Variants in CMIP observed in about 807,000 individuals in gnomAD.
The protein encoded by CMIP is c-Maf inducing protein, also known as C-Maf-inducing protein.
Under a neutral mutation model 97.3 loss-of-function variants are expected in CMIP, and 13 were observed. The observed-to-expected ratio is 0.13, with a 90% confidence interval of 0.09 to 0.21. The LOEUF is 0.21. Among genes scored for constraint, CMIP ranks in the 10% least tolerant of loss-of-function variants. CMIP has a pLI of 1.00. For synonymous variants in CMIP, 538 were observed against 436.3 expected, an observed-to-expected ratio of 1.23 and a Z score of -2.91; for missense variants, 847 against 1,024.9, an observed-to-expected ratio of 0.83 and a Z score of 2.37.
intron 8 of CMIP, among the ~76,000 whole-genome samples, chr16:81,670,754 C>T (rs551572957): frequency 1.3e-5 from 2 of 152,088 alleles, no homozygotes; most frequent in South Asian, 4.2e-4. Context: ...GAGTAGGAGA[C>T]ACAACACATG....
rs894561318 is a variant in CMIP at position 81,645,351 on chromosome 16, C to G, written c.478-6852C>G. 7.8e-6 allele frequency: 11 copies of G among 1,415,960 alleles called. No individual in the cohort carries two copies. In the African/African-American group the frequency reaches 1.4e-4, roughly 18 times the overall value. 87.7% of individuals were successfully genotyped at this position (1,415,960 alleles called of 1,614,324 possible). ...CGACAGGTGGTGGGGAGCATGCGTGCTTGGGTGTGTACGCGCGCGAGCCCC... is the reference window on the plus strand; with the variant it reads ...CGACAGGTGGTGGGGAGCATGCGTGGTTGGGTGTGTACGCGCGCGAGCCCC... On this transcript the variant is annotated intron_variant, in intron 3 of 20. Transcript: ENST00000537098.
At chr16:81,658,788 C>A (rs754534959) in intron 5 of CMIP, among the ~76,000 whole-genome samples, 1 of 152,246 alleles carries the variant, frequency 6.6e-6, no homozygotes, top group Non-Finnish European at 1.5e-5. Flanking sequence ...GACCTTGGAA[C>A]TAACCTGCCT....
At chr16:81,703,520 G>C (rs2151100532) in intron 17 of CMIP, among the ~76,000 whole-genome samples, 1 of 151,734 alleles carries the variant, frequency 6.6e-6, no homozygotes, top group Non-Finnish European at 1.5e-5. Context: ...AATATACACA[G>C]ACGTGCACAG....
chr16:81,621,583 A>T lies in CMIP; in HGVS notation c.477+657A>T, dbSNP rs889048838. 9.8e-5 allele frequency: 15 copies of T among 152,764 alleles called. No homozygotes were observed. The highest frequency in any genetic ancestry group is 1.5e-5 in the Non-Finnish European group (1 of 68,134). The allele number at this position is 152,764 out of a possible 1,614,324, so 9.5% of individuals were successfully genotyped here. On this transcript the variant is annotated intron_variant, in intron 3 of 20. Transcript: ENST00000537098. The surrounding 1 kb of genome is among the most constrained non-coding windows in gnomAD (Gnocchi z 4.1). ...GTGAAGCACGTACAGTCAGCTTCTC[A>T]TTCCTGCCCTGCCTCCCTGTCTCTC...
At chr16:81,494,937 T>C (rs1262597857) in intron 1 of CMIP, among the ~76,000 whole-genome samples, 1 of 152,196 alleles carries the variant, frequency 6.6e-6, no homozygotes, top group African/African-American at 2.4e-5. Flanking sequence ...ACTTTACAGA[T>C]GAAGTCATTG....
At chr16:81,591,356 A>C (rs960180973) in intron 1 of CMIP, among the ~76,000 whole-genome samples, 5 of 152,206 alleles carry the variant, frequency 3.3e-5, no homozygotes, top group African/African-American at 1.2e-4. Context: ...TATTTTAAGG[A>C]ACTCACAACA....
intron 3 of CMIP, among the ~76,000 whole-genome samples, chr16:81,633,978 C>T (rs1479044134): frequency 6.6e-6 from 1 of 152,200 alleles, no homozygotes; most frequent in African/African-American, 2.4e-5. Flanking sequence ...CCTTATCATC[C>T]CAGGCCTCCT....
intron 1 of CMIP, among the ~76,000 whole-genome samples, chr16:81,575,293 C>T (rs1288416783): frequency 1.3e-5 from 2 of 152,182 alleles, no homozygotes; most frequent in East Asian, 3.9e-4. Flanking sequence ...CTCCTCTGGG[C>T]TTTACCAGGC....
chr16:81,675,324 C>T (rs1339963571), intron 9 of CMIP, among the ~76,000 whole-genome samples: 2 of 152,072 alleles, frequency 1.3e-5, no homozygotes, highest in Non-Finnish European at 2.9e-5. Flanking sequence ...ATGCCTCAGC[C>T]ACCCAAGTAG....
chr16:81,587,028 C>G (rs2091393955), intron 1 of CMIP, among the ~76,000 whole-genome samples: 1 of 152,210 alleles, frequency 6.6e-6, no homozygotes, highest in African/African-American at 2.4e-5. Context: ...AAAGAACAGG[C>G]TACATGAGAT....
chr16:81,570,221 T>C (rs2091061733), intron 1 of CMIP, among the ~76,000 whole-genome samples: 1 of 152,178 alleles, frequency 6.6e-6, no homozygotes, highest in African/African-American at 2.4e-5. Context: ...TCCCTTGGTG[T>C]AGCCACAGAG....
chr16:81,684,828 TC>T (rs1333984473), intron 10 of CMIP, among the ~76,000 whole-genome samples: 9 of 152,254 alleles, frequency 5.9e-5, no homozygotes, highest in Admixed American at 2.0e-4. Flanking sequence ...CTTTTCTCCT[TC>T]CTAGGTGGGC....
intron 1 of CMIP, among the ~76,000 whole-genome samples, chr16:81,559,049 C>G (rs1346365194): frequency 6.6e-6 from 1 of 152,232 alleles, no homozygotes. Context: ...GCAACCAGGC[C>G]TGGGCGCCCC....
chr16:81,505,372 A>G (rs1284607508), intron 1 of CMIP, among the ~76,000 whole-genome samples: 1 of 152,152 alleles, frequency 6.6e-6, no homozygotes, highest in African/African-American at 2.4e-5. Flanking sequence ...TCTTGCTTCC[A>G]TGTGGGCCTG....
At chr16:81,535,990 C>T (rs941439938) in intron 1 of CMIP, among the ~76,000 whole-genome samples, 2 of 152,140 alleles carry the variant, frequency 1.3e-5, no homozygotes, top group Non-Finnish European at 2.9e-5. Flanking sequence ...CAGGGAACCT[C>T]GGTGACAAGG....
At chr16:81,495,331 G>T in intron 1 of CMIP, 2 of 1,466,274 alleles carry the variant, frequency 1.4e-6, no homozygotes, top group South Asian at 1.4e-5. Context: ...GTGATAAGCA[G>T]GAGCCAGGCG....
In CMIP at chr16:81,616,262, C is replaced by G. The variant is rs1325835359; in HGVS notation, c.427-4614C>G. ...TGTGGGTGGGACATAAATACCCAGC[C>G]AGCCTCAGGGTGTGGGCCGAGGGCT... On this transcript the variant is annotated intron_variant, in intron 2 of 20. Coordinates refer to ENST00000537098, the MANE Select transcript of CMIP (RefSeq NM_198390.3). This position sits in a 1 kb window ranked among gnomAD's most constrained non-coding sequence, Gnocchi z 4.7. 6.6e-6 allele frequency among the ~76,000 whole-genome samples: 1 copy of G among 152,004 alleles called. No homozygotes were observed. The highest frequency in any genetic ancestry group is 2.4e-5 in the African/African-American group (1 of 41,366).
intron 1 of CMIP, among the ~76,000 whole-genome samples, chr16:81,495,951 C>T (rs191655230): frequency 1.6e-4 from 25 of 152,326 alleles, no homozygotes; most frequent in African/African-American, 5.3e-4. Flanking sequence ...CCCCCAGCTC[C>T]GAGACTTGCA....
At chr16:81,606,698 C>A (rs1345521791) in intron 1 of CMIP, among the ~76,000 whole-genome samples, 1 of 152,020 alleles carries the variant, frequency 6.6e-6, no homozygotes, top group Non-Finnish European at 1.5e-5. Context: ...GAGCTAGCAG[C>A]CTGGCCAGGA....
Sources: gnomAD v4.1 joint callset for allele counts (sites outside exome capture counted in the v4.1 genomes callset) on GRCh38, gnomAD v4.1.1 for gene constraint, Gnocchi (gnomAD v3.1) non-coding constraint, MANE v1.5 for transcripts, NCBI Gene and HGNC (gene_info 2026-07-23, HGNC 2026-07-21) for gene names.